WWOX: variants seen among roughly 807,000 people sequenced by gnomAD.
WWOX encodes WW domain-containing oxidoreductase.
Under a neutral mutation model 46.2 loss-of-function variants are expected in WWOX, and 69 were observed. The observed-to-expected ratio is 1.49, with a 90% CI of 1.23 to 1.82. The LOEUF (loss-of-function observed/expected upper bound fraction) is 1.82, where lower values mean the gene tolerates loss of function less well. Among genes scored for constraint, WWOX ranks in the 40% most tolerant of loss-of-function variants. The pLI is 0.00. For missense variants in WWOX, 919 were observed against 542.6 expected (o/e 1.69, Z -6.89); for synonymous variants, 359 against 202.6 (o/e 1.77, Z -6.56).
Position 78,999,976 on chromosome 16 carries a change from A to G in WWOX, c.1057-211632A>G, listed in dbSNP as rs896534111. Among the ~76,000 whole-genome samples the G allele has an allele frequency of 7.2e-5, 11 of 152,274 alleles. 1 individual carries two copies. In the East Asian group the frequency reaches 2.1e-3, roughly 29 times the overall value. On this transcript the variant is annotated intron_variant, in intron 8 of 8. Transcript: ENST00000566780. ...GGAGCATTTTTTTTTCCTTAGGGGA[A>G]ATGAAAAATAATGGCATCTATGATC...
chr16:78,737,916 C>G (rs539763368), intron 8 of WWOX, among the ~76,000 whole-genome samples: 176 of 152,214 alleles, frequency 1.2e-3, no homozygotes, highest in African/African-American at 3.9e-3. Context: ...AGTCATTTCC[C>G]TATATCAGTA....
chr16:78,135,934 A>T (rs2033775549), intron 4 of WWOX, among the ~76,000 whole-genome samples: 1 of 152,196 alleles, frequency 6.6e-6, no homozygotes. Flanking sequence ...TGTTTTATAG[A>T]TGCCTGGTGT....
At chr16:78,354,903 G>C (rs1002498535) in intron 5 of WWOX, among the ~76,000 whole-genome samples, 1 of 152,180 alleles carries the variant, frequency 6.6e-6, no homozygotes, top group Admixed American at 6.5e-5. Context: ...GGAGGCCAAG[G>C]TGAGGAGACC....
chr16:78,919,519 G>GTTTTTTTTTTTTTTTTTTTTT (rs1362661780), intron 8 of WWOX, among the ~76,000 whole-genome samples: 1 of 67,256 alleles, frequency 1.5e-5, no homozygotes, highest in African/African-American at 4.4e-5. Flanking sequence ...TTATCTTTTT[G>GTTTTTTTTTTTTTTTTTTTTT]TTTTGTTTTT....
At chr16:78,443,957 C>T (rs575665557) in intron 8 of WWOX, among the ~76,000 whole-genome samples, 16 of 152,176 alleles carry the variant, frequency 1.1e-4, no homozygotes, top group East Asian at 1.9e-4. Context: ...TGCCCCATGA[C>T]GATGTTTCTG....
intron 8 of WWOX, among the ~76,000 whole-genome samples, chr16:78,602,663 C>A (rs189051072): frequency 1.3e-5 from 2 of 152,164 alleles, no homozygotes; most frequent in Non-Finnish European, 2.9e-5. Flanking sequence ...AGTGGTTACT[C>A]TGTTCTGATC....
chr16:78,617,708 T>C (rs1406972271), intron 8 of WWOX, among the ~76,000 whole-genome samples: 1 of 152,112 alleles, frequency 6.6e-6, no homozygotes, highest in African/African-American at 2.4e-5. Flanking sequence ...TTCTTCCCAG[T>C]CCCAGGAAAT....
At chr16:79,031,641 C>T (rs2047756368) in intron 8 of WWOX, among the ~76,000 whole-genome samples, 1 of 151,080 alleles carries the variant, frequency 6.6e-6, no homozygotes, top group African/African-American at 2.4e-5. Context: ...GGTAAATTTA[C>T]TTAATTTAAA....
chr16:78,233,831 G>C (rs1343635759), intron 5 of WWOX, among the ~76,000 whole-genome samples: 1 of 152,058 alleles, frequency 6.6e-6, no homozygotes, highest in Non-Finnish European at 1.5e-5. Context: ...CTGGCCTGAT[G>C]ATTCAGTTTT....
chr16:78,294,408 ACCT>A (rs79392523), intron 5 of WWOX, among the ~76,000 whole-genome samples: 33,836 of 151,392 alleles, frequency 0.22, 3,858 homozygotes, highest in South Asian at 0.29. Flanking sequence ...ACCCACCAAC[ACCT>A]CCTCTTTCCA....
At chr16:79,164,709 G>T (rs1002365740) in intron 8 of WWOX, among the ~76,000 whole-genome samples, 1 of 152,170 alleles carries the variant, frequency 6.6e-6, no homozygotes, top group Non-Finnish European at 1.5e-5. Flanking sequence ...AAATACTGGA[G>T]TGTCAGCGAT....
chr16:78,446,506 C>T (rs983634529), intron 8 of WWOX, among the ~76,000 whole-genome samples: 11 of 152,094 alleles, frequency 7.2e-5, no homozygotes, highest in African/African-American at 2.2e-4. Flanking sequence ...CCGTAAATGC[C>T]AGCAAGTGTT....
At chr16:78,568,404 A>C (rs1431852623) in intron 8 of WWOX, among the ~76,000 whole-genome samples, 1 of 151,982 alleles carries the variant, frequency 6.6e-6, no homozygotes, top group East Asian at 1.9e-4. Flanking sequence ...AGTTATTACC[A>C]AGAAATTGCT....
Position 78,318,526 on chromosome 16 carries a change from T to C in WWOX, c.517-68334T>C, listed in dbSNP as rs987899206. ...ACTAAATTGGAGTTCTTAAAACAAA[T>C]GTTAAGAACACAACATTTAGGCACA... On this transcript the variant is annotated intron_variant, in intron 5 of 8. Transcript: ENST00000566780. Among the ~76,000 whole-genome samples, 7 of 152,270 alleles carry C rather than the reference T, an allele frequency of 4.6e-5. 1 individual carries two copies. Among genetic ancestry groups the C allele is most frequent in the East Asian group, 1.9e-4 (1 of 5,176 alleles).
intron 5 of WWOX, among the ~76,000 whole-genome samples, chr16:78,282,563 G>A (rs9936242): frequency 0.42 from 63,850 of 151,898 alleles, 13,999 homozygotes; most frequent in East Asian, 0.71. Flanking sequence ...CAGAAAGGAA[G>A]TGAGAAGAGT....
intron 4 of WWOX, among the ~76,000 whole-genome samples, chr16:78,137,569 G>A (rs779655513): frequency 1.4e-4 from 22 of 152,212 alleles, no homozygotes; most frequent in Non-Finnish European, 2.1e-4. Flanking sequence ...TATATATGCC[G>A]CCACAGAGGG....
chr16:78,774,324 C>G (rs1347239959), intron 8 of WWOX, among the ~76,000 whole-genome samples: 1 of 152,130 alleles, frequency 6.6e-6, no homozygotes. Flanking sequence ...TCGCTTGAAT[C>G]AGGGAGTCGG....
chr16:78,154,808 TG>T (rs941359716), intron 4 of WWOX, among the ~76,000 whole-genome samples: 3 of 152,170 alleles, frequency 2.0e-5, no homozygotes, highest in African/African-American at 7.2e-5. Context: ...CAGTGGGAGA[TG>T]TTCTTTGAGA....
intron 8 of WWOX, among the ~76,000 whole-genome samples, chr16:78,962,178 A>G (rs971469700): frequency 5.9e-5 from 9 of 152,072 alleles, no homozygotes; most frequent in Non-Finnish European, 1.3e-4. Flanking sequence ...CCTAGGCTTT[A>G]ATGAGGACAG....
Sources: gnomAD v4.1 joint callset for allele counts (sites outside exome capture counted in the v4.1 genomes callset) on GRCh38, gnomAD v4.1.1 for gene constraint, MANE v1.5 for transcripts, NCBI Gene and HGNC (gene_info 2026-07-23, HGNC 2026-07-21) for gene names.